The following RABL6 variants were observed in gnomAD, a reference collection of about 807,000 sequenced individuals.
RABL6 encodes RAB, member RAS oncogene family like 6, also known as rab-like protein 6.
RABL6 carries 28 observed loss-of-function variants against 72.9 expected under a neutral mutation model. The observed-to-expected ratio is 0.38, with a 90% CI of 0.28 to 0.53. The LOEUF is 0.53. RABL6 is among the 20% of genes least tolerant of loss of function. RABL6 has a pLI of 0.80. For missense variants in RABL6, 1,029 were observed against 1,008.4 expected (o/e 1.02, Z -0.28); for synonymous variants, 477 against 421.2 (o/e 1.13, Z -1.62).
At chr9:136,809,247 T>A (rs1330203311) in intron 1 of RABL6, 1 of 161,530 alleles carries the variant, frequency 6.2e-6, no homozygotes, top group African/African-American at 2.4e-5. Context: ...AGAAAGACTC[T>A]TGTGCAGGTT....
chr9:136,830,402 C>T (rs984775347), intron 5 of RABL6, among the ~76,000 whole-genome samples: 1 of 152,274 alleles, frequency 6.6e-6, no homozygotes, highest in Non-Finnish European at 1.5e-5. Context: ...CCTTCAGCAC[C>T]ACCACCAAGG....
chr9:136,825,710 G>C (rs1463311111), intron 2 of RABL6, 69 bp from the exon 3 acceptor site: 120 of 1,539,312 alleles, frequency 7.8e-5, no homozygotes, highest in Non-Finnish European at 1.0e-4. Flanking sequence ...AACCACACCA[G>C]CTGGACCGCT....
chr9:136,824,327 T>A (rs1192450330), intron 2 of RABL6, among the ~76,000 whole-genome samples: 2 of 8,450 alleles, frequency 2.4e-4, no homozygotes, highest in Non-Finnish European at 4.6e-4. Context: ...TTTGGTTGGG[T>A]TTTTTTTTTT....
chr9:136,829,567 G>A, intron 5 of RABL6, 83 bp downstream of exon 5: 1 of 1,227,258 alleles, frequency 8.1e-7, no homozygotes, highest in Non-Finnish European at 1.2e-6. Flanking sequence ...AGCAGATAAT[G>A]GTTAGAGCAG....
rs544531085 is a variant in RABL6, at chr9:136,811,667, A to G, written c.130+3341A>G. Among the ~76,000 whole-genome samples, 431 of 151,364 alleles carry G rather than the reference A, an allele frequency of 2.8e-3. 3 individuals carry two copies. The highest frequency in any genetic ancestry group is 4.9e-3 in the Non-Finnish European group (332 of 67,912). ...ACCACCACACCCAGCTAATTTTGGT[A>G]TTTTTTAGAGAGACAGGGTTTCACC... On this transcript the variant is annotated intron_variant, in intron 1 of 14. Coordinates refer to ENST00000311502, the MANE Select transcript of RABL6 (RefSeq NM_024718.5).
Position 136,821,824 on chromosome 9 carries a change from G to T in RABL6, c.131-1701G>T, listed in dbSNP as rs1043084247. The T allele has an allele frequency of 2.2e-4, 263 of 1,190,492 alleles. No individual in the cohort carries two copies. The African/African-American group carries it at 4.0e-3, about 18-fold the overall frequency. 73.7% of individuals were successfully genotyped at this position (1,190,492 alleles called of 1,614,324 possible). On this transcript the variant is annotated intron_variant, in intron 1 of 14. Transcript: ENST00000311502. ...GGAGAGGGAGGGGAACGAGGGCCCA[G>T]CCTTCCGCGGGGTGGGCTCGGCCGG...
chr9:136,808,945 G>T (rs1564355425), intron 1 of RABL6: 1 of 152,208 alleles, frequency 6.6e-6, no homozygotes, highest in African/African-American at 2.4e-5. Context: ...TAGGAAGGAG[G>T]AGTCATTTAC....
rs373031718 is a variant in RABL6 at position 136,836,731 on chromosome 9, G to A, written c.810-615G>A. 1.4e-3 allele frequency: 232 copies of A among 161,062 alleles called. 1 individual carries two copies. The highest frequency in any genetic ancestry group is 6.1e-3 in the Middle Eastern group (2 of 328). The allele number at this position is 161,062 out of a possible 1,614,324, so 10.0% of individuals were successfully genotyped here. A position where few individuals can be genotyped will look rare whatever the true frequency, so the allele number is the denominator to read the frequency against. The stretch of plus-strand genomic sequence containing the variant: ...CCCCCTCCTCTTCCCAGAAACCCCC[G>A]CTCACGGGAAGGTCCAGTTGCTGCC... On this transcript the variant is annotated intron_variant, in intron 8 of 14. Coordinates refer to ENST00000311502, the MANE Select transcript of RABL6 (RefSeq NM_024718.5).
At chr9:136,839,941 G>A (rs1020465052) in intron 13 of RABL6, 76 bp downstream of exon 13, 81 of 1,536,124 alleles carry the variant, frequency 5.3e-5, no homozygotes, top group African/African-American at 1.2e-4. Context: ...GCTGCTGGCC[G>A]CTGGCCGGGG....
rs79078889 is a variant in RABL6, at chr9:136,832,443, C to T, written c.705+73C>T. ...CTTCCAGGTGTCTCCTGTGTAGCAA[C>T]GGGTCTCCCTCCTAACCCCTGAGAA... is the stretch of plus-strand genomic sequence containing the variant. On this transcript the variant is annotated intron_variant, in intron 7 of 14. Coordinates refer to ENST00000311502, the MANE Select transcript of RABL6 (RefSeq NM_024718.5). The T allele has an allele frequency of 5.0e-3, 6,033 of 1,216,610 alleles. 141 individuals are homozygous for T. Among genetic ancestry groups the T allele is most frequent in the South Asian group, 0.042 (3,513 of 82,734 alleles). The allele number at this position is 1,216,610 out of a possible 1,614,324, so 75.4% of individuals were successfully genotyped here.
intron 1 of RABL6, chr9:136,821,881 C>T (rs895720227): frequency 2.3e-5 from 29 of 1,267,114 alleles, no homozygotes; most frequent in Non-Finnish European, 2.9e-5. Context: ...CTGCCCCCAG[C>T]CGGTGCGGCC....
chr9:136,831,893 C>T (rs778588267), intron 6 of RABL6, 32 bp downstream of exon 6: 5 of 1,585,266 alleles, frequency 3.2e-6, no homozygotes, highest in Non-Finnish European at 4.3e-6. Flanking sequence ...CCGAGGGACC[C>T]TGCCCGGTGC....
chr9:136,821,565 GA>G (rs1413800531), intron 1 of RABL6: 1 of 985,336 alleles, frequency 1.0e-6, no homozygotes, highest in East Asian at 1.1e-4. Context: ...ATCTGGGGGG[GA>G]CGGCGGCCGC....
intron 2 of RABL6, among the ~76,000 whole-genome samples, chr9:136,824,609 G>A (rs1848313341): frequency 6.6e-6 from 1 of 151,840 alleles, no homozygotes; most frequent in East Asian, 1.9e-4. Flanking sequence ...GATTATAGGC[G>A]TGAGCCACCA....
chr9:136,824,283 G>C (rs910672950), intron 2 of RABL6, among the ~76,000 whole-genome samples: 2 of 151,012 alleles, frequency 1.3e-5, no homozygotes, highest in Non-Finnish European at 2.9e-5. Context: ...CCTTGGGGCT[G>C]GTTTTTTTGT....
At chr9:136,832,555 G>A (rs1848500132) in intron 7 of RABL6, 185 bp downstream of exon 7, 1 of 694,166 alleles carries the variant, frequency 1.4e-6, no homozygotes, top group African/African-American at 1.8e-5. Flanking sequence ...AGGGTACAGG[G>A]TCCTGAGGGC....
At chr9:136,818,875 C>CGTTCAGA (rs1564361103) in intron 1 of RABL6, among the ~76,000 whole-genome samples, 1 of 152,212 alleles carries the variant, frequency 6.6e-6, no homozygotes, top group South Asian at 2.1e-4. Flanking sequence ...ACAGTCAAGG[C>CGTTCAGA]GTTCAGATCT....
chr9:136,832,031 G>A, intron 6 of RABL6, 170 bp downstream of exon 6: 1 of 1,110,306 alleles, frequency 9.0e-7, no homozygotes, highest in Non-Finnish European at 1.2e-6. Flanking sequence ...CGATGGCAGG[G>A]CCGGGAACTG....
chr9:136,809,223 A>G (rs1847948052), intron 1 of RABL6: 1 of 156,626 alleles, frequency 6.4e-6, no homozygotes, highest in African/African-American at 2.4e-5. Flanking sequence ...GTAGAATTTT[A>G]AGAACTAATG....
Sources: gnomAD v4.1 joint callset for allele counts (sites outside exome capture counted in the v4.1 genomes callset) on GRCh38, gnomAD v4.1.1 for gene constraint, MANE v1.5 for transcripts, NCBI Gene and HGNC (gene_info 2026-07-23, HGNC 2026-07-21) for gene names.